VPS35L: variants seen among roughly 807,000 people sequenced by gnomAD.
The protein encoded by VPS35L is VPS35 endosomal protein-sorting factor-like.
In VPS35L, 83 loss-of-function variants were observed where a neutral mutation model predicts 133.0. The ratio of observed to expected loss-of-function variants is 0.62; its 90% CI spans 0.52 to 0.75. VPS35L has a LOEUF of 0.75. VPS35L is among the 30% of genes least tolerant of loss of function. The pLI is 0.00. For synonymous variants in VPS35L, 423 were observed against 449.9 expected (o/e 0.94, Z 0.76); for missense variants, 1,083 against 1,206.8 (o/e 0.90, Z 1.52).
Position 19,628,764 on chromosome 16 carries a change from A to G in VPS35L, c.1500+11A>G, listed in dbSNP as rs1973350398. ...CTGAAGAACCCACAGGTGAGTGGCCATTTTATTTTTATTTTTATTTATTTA... is the reference window on the plus strand; with the variant it reads ...CTGAAGAACCCACAGGTGAGTGGCCGTTTTATTTTTATTTTTATTTATTTA... On this transcript the variant is annotated intron_variant, in intron 17 of 30. Transcript: ENST00000417362. The G allele has an allele frequency of 1.7e-6, 2 of 1,153,798 alleles. No homozygotes were observed. Among genetic ancestry groups the G allele is most frequent in the Non-Finnish European group, 2.3e-6 (2 of 854,430 alleles). The allele number at this position is 1,153,798 out of a possible 1,614,324, so 71.5% of individuals were successfully genotyped here.
chr16:19,566,429 G>C (rs1235496684), intron 2 of VPS35L, among the ~76,000 whole-genome samples: 1 of 152,204 alleles, frequency 6.6e-6, no homozygotes, highest in Non-Finnish European at 1.5e-5. Context: ...CCAGGAGGCA[G>C]AGGTTGCAGT....
intron 26 of VPS35L, among the ~76,000 whole-genome samples, chr16:19,653,945 T>C (rs1368197651): frequency 6.6e-6 from 1 of 152,148 alleles, no homozygotes; most frequent in Non-Finnish European, 1.5e-5. Flanking sequence ...AGCTGAACAC[T>C]TGCCTCTTGA....
At chr16:19,641,053 T>A (rs1468614694) in intron 21 of VPS35L, among the ~76,000 whole-genome samples, 2 of 151,712 alleles carry the variant, frequency 1.3e-5, no homozygotes, top group African/African-American at 4.8e-5. Context: ...GTTTTATTTT[T>A]ATTTTATTAT....
chr16:19,622,138 A>ATTTTTTTTT (rs1264606460), intron 14 of VPS35L, among the ~76,000 whole-genome samples: 30 of 106,606 alleles, frequency 2.8e-4, no homozygotes, highest in South Asian at 1.2e-3. Context: ...CTCCATGTAT[A>ATTTTTTTTT]TCTTTTTTTT....
At chr16:19,570,889 A>ATATATTTT in intron 3 of VPS35L, among the ~76,000 whole-genome samples, 1 of 91,852 alleles carries the variant, frequency 1.1e-5, no homozygotes, top group Non-Finnish European at 2.1e-5. Flanking sequence ...ATATATATAT[A>ATATATTTT]TTTTTGAGAT....
At chr16:19,555,988 C>T (rs1970842414) in intron 1 of VPS35L, among the ~76,000 whole-genome samples, 1 of 152,136 alleles carries the variant, frequency 6.6e-6, no homozygotes, top group South Asian at 2.1e-4. Flanking sequence ...TCCACGGGCC[C>T]CTGTCCATTC....
At chr16:19,650,539 C>T (rs879171037) in intron 25 of VPS35L, 80 bp downstream of exon 25, 1 of 1,157,736 alleles carries the variant, frequency 8.6e-7, no homozygotes, top group South Asian at 1.3e-5. Flanking sequence ...TTACATTTCC[C>T]AGAAAAAGAT....
intron 26 of VPS35L, among the ~76,000 whole-genome samples, chr16:19,666,505 G>A (rs1162168125): frequency 6.6e-6 from 1 of 152,186 alleles, no homozygotes; most frequent in Non-Finnish European, 1.5e-5. Context: ...CAAGTCTTCT[G>A]AGGATAGAAC....
intron 8 of VPS35L, among the ~76,000 whole-genome samples, chr16:19,594,143 G>T (rs1241273257): frequency 6.6e-6 from 1 of 152,136 alleles, no homozygotes. Flanking sequence ...TCTGGGGGAT[G>T]AAATGCACTG....
intron 22 of VPS35L, 64 bp downstream of exon 22, chr16:19,642,540 T>A: frequency 7.3e-7 from 1 of 1,366,382 alleles, no homozygotes; most frequent in South Asian, 1.3e-5. Flanking sequence ...AATAGGACAT[T>A]AGGGAATGAC....
At chr16:19,642,538 A>T (rs537503576) in intron 22 of VPS35L, 62 bp downstream of exon 22, 13 of 1,371,858 alleles carry the variant, frequency 9.5e-6, no homozygotes, top group Non-Finnish European at 1.0e-5. Context: ...CTAATAGGAC[A>T]TTAGGGAATG....
intron 19 of VPS35L, among the ~76,000 whole-genome samples, chr16:19,634,415 C>T (rs1239707293): frequency 1.9e-5 from 2 of 106,994 alleles, no homozygotes; most frequent in Admixed American, 9.3e-5. Flanking sequence ...GAGACACGGT[C>T]TCAAAAAAAA....
intron 8 of VPS35L, among the ~76,000 whole-genome samples, chr16:19,598,659 C>T (rs553424289): frequency 1.3e-5 from 2 of 152,024 alleles, no homozygotes; most frequent in African/African-American, 4.8e-5. Flanking sequence ...TGGTGTGCGC[C>T]TGTGGTCCCA....
intron 15 of VPS35L, 26 bp downstream of exon 15, chr16:19,626,249 A>T: frequency 6.4e-7 from 1 of 1,571,262 alleles, no homozygotes; most frequent in South Asian, 1.1e-5. Context: ...TTCATAAAGC[A>T]TGAGTTTGAA....
intron 28 of VPS35L, among the ~76,000 whole-genome samples, chr16:19,689,857 C>T (rs1179552628): frequency 6.6e-6 from 1 of 152,064 alleles, no homozygotes; most frequent in Non-Finnish European, 1.5e-5. Context: ...GGAACGTATC[C>T]CCCAAGGATA....
chr16:19,697,658 A>G (rs1975962706), intron 29 of VPS35L, among the ~76,000 whole-genome samples: 2 of 152,156 alleles, frequency 1.3e-5, no homozygotes, highest in Admixed American at 6.6e-5. Context: ...TTAGCCACCG[A>G]GAGTAGTTGA....
chr16:19,597,047 C>T (rs28657530), intron 8 of VPS35L, among the ~76,000 whole-genome samples: 3,841 of 149,062 alleles, frequency 0.026, 176 homozygotes, highest in African/African-American at 0.09. Context: ...ACAACAACAA[C>T]AACAAAACAA....
intron 8 of VPS35L, among the ~76,000 whole-genome samples, chr16:19,596,281 AT>A (rs11380654): frequency 6.7e-5 from 10 of 148,234 alleles, no homozygotes; most frequent in Admixed American, 2.0e-4. Flanking sequence ...TGCATATACC[AT>A]TTTTTTTTTT....
chr16:19,573,257 C>A lies in VPS35L; in HGVS notation c.408+16C>A. 2 of 1,611,948 alleles carry A rather than the reference C, an allele frequency of 1.2e-6. No individual in the cohort carries two copies. The highest frequency in any genetic ancestry group is 1.7e-6 in the Non-Finnish European group (2 of 1,178,954). ...GCTGTCTATTGTGAGTACCAGGAGA[C>A]CCTCTCCAGAGTCTACTTTGGAGTT... On this transcript the variant is annotated intron_variant, in intron 4 of 30. Coordinates refer to ENST00000417362, the MANE Select transcript of VPS35L (RefSeq NM_020314.7).
Sources: allele counts gnomAD v4.1 joint callset (sites outside exome capture counted in the v4.1 genomes callset), GRCh38; gene constraint gnomAD v4.1.1; transcripts MANE v1.5; gene names NCBI Gene and HGNC (gene_info 2026-07-23, HGNC 2026-07-21).